The following TRIB1 variants were observed in gnomAD, a reference collection of about 807,000 sequenced individuals.
The protein encoded by TRIB1 is tribbles homolog 1.
Under a neutral mutation model 27.8 loss-of-function variants are expected in TRIB1, and 12 were observed. The observed-to-expected ratio is 0.43, with a 90% CI of 0.28 to 0.70. TRIB1 has a LOEUF of 0.70. TRIB1 is among the 30% of genes least tolerant of loss of function. TRIB1 has a pLI of 0.18. For synonymous variants in TRIB1, 230 were observed against 224.9 expected (o/e 1.02, Z -0.20); for missense variants, 475 against 515.8 (o/e 0.92, Z 0.77).
intron 1 of TRIB1, chr8:125,432,094 G>T (rs1052451211): frequency 3.9e-6 from 1 of 254,474 alleles, no homozygotes; most frequent in Non-Finnish European, 6.2e-6. Context: ...CCCTCGGGCC[G>T]CTCCTTTTCA....
intron 2 of TRIB1, among the ~76,000 whole-genome samples, chr8:125,435,544 T>C (rs1268097922): frequency 6.6e-6 from 1 of 152,152 alleles, no homozygotes; most frequent in Non-Finnish European, 1.5e-5. Context: ...TAATGCAGTG[T>C]GGGTCCAGGT....
In TRIB1 at chr8:125,438,186, A is replaced by G. The variant is rs1814787100; in HGVS notation, c.*1715A>G. ...TTGACAGAATCATGGGACTTTGAGA[A>G]GAGGGAGGACAGAGGCCTCTGTCGC... On this transcript the variant is annotated 3_prime_UTR_variant, in exon 3 of 3. Transcript: ENST00000311922. 1 of 152,712 alleles carries G rather than the reference A, an allele frequency of 6.5e-6. No homozygotes were observed. Among genetic ancestry groups the G allele is most frequent in the Admixed American group, 6.5e-5 (1 of 15,280 alleles). The allele number at this position is 152,712 out of a possible 1,614,324, so 9.5% of individuals were successfully genotyped here.
rs1252638940 is a variant in TRIB1 at position 125,430,695 on chromosome 8, C to A, written c.-208C>A. The A allele has an allele frequency of 3.4e-5, 20 of 589,432 alleles. 1 individual carries two copies. The East Asian group carries it at 6.9e-4, about 20-fold the overall frequency. 36.5% of individuals were successfully genotyped at this position (589,432 alleles called of 1,614,324 possible). ...GGGACTCGAGCCGGCCTCCGCCTCC[C>A]GGACGCACAGCCAGCGTGGTCCCCG... is the stretch of plus-strand genomic sequence containing the variant. On this transcript the variant is annotated 5_prime_UTR_variant, in exon 1 of 3. Transcript: ENST00000311922.
In TRIB1 at chr8:125,437,761, G is replaced by A. The variant is rs1814780078; in HGVS notation, c.*1290G>A. ...CCTCTGTTAGATATGTCCAGAGATG[G>A]AAACTCACTCCCCTACAAAAGATGG... On this transcript the variant is annotated 3_prime_UTR_variant, in exon 3 of 3. Coordinates refer to ENST00000311922, the MANE Select transcript of TRIB1 (RefSeq NM_025195.4). 6.6e-6 allele frequency: 1 copy of A among 152,474 alleles called. No individual in the cohort carries two copies. The highest frequency in any genetic ancestry group is 1.5e-5 in the Non-Finnish European group (1 of 68,042). The allele number at this position is 152,474 out of a possible 1,614,324, so 9.4% of individuals were successfully genotyped here. A position where few individuals can be genotyped will look rare whatever the true frequency, so the allele number is the denominator to read the frequency against.
Position 125,436,538 on chromosome 8 carries a change from C to T in TRIB1, c.*67C>T. 1.3e-6 allele frequency: 2 copies of T among 1,508,710 alleles called. No individual in the cohort carries two copies. Among genetic ancestry groups the T allele is most frequent in the South Asian group, 1.2e-5 (1 of 83,566 alleles). The allele number at this position is 1,508,710 out of a possible 1,614,324, so 93.5% of individuals were successfully genotyped here. A position where few individuals can be genotyped will look rare whatever the true frequency, so the allele number is the denominator to read the frequency against. On this transcript the variant is annotated 3_prime_UTR_variant, in exon 3 of 3. Coordinates refer to ENST00000311922, the MANE Select transcript of TRIB1 (RefSeq NM_025195.4). Reference sequence around the variant, plus strand: ...ATTTCCATTTCTAAAGATGGACAGGCCCTTTGGCGTGGTACCAACCAGATA... The same window carrying T: ...ATTTCCATTTCTAAAGATGGACAGGTCCTTTGGCGTGGTACCAACCAGATA...
In TRIB1 at chr8:125,437,631, G is replaced by C. The variant is rs1056553244; in HGVS notation, c.*1160G>C. The C allele has an allele frequency of 6.6e-5, 10 of 152,444 alleles. No homozygotes were observed. The highest frequency in any genetic ancestry group is 3.4e-3 in the Middle Eastern group (1 of 294). The allele number at this position is 152,444 out of a possible 1,614,324, so 9.4% of individuals were successfully genotyped here. A position where few individuals can be genotyped will look rare whatever the true frequency, so the allele number is the denominator to read the frequency against. Reference sequence around the variant, plus strand: ...AAACAGCAAACCCCAAATCTTCAAAGTTGGAAGGAACTTTAAAAATCATCC... The same window carrying C: ...AAACAGCAAACCCCAAATCTTCAAACTTGGAAGGAACTTTAAAAATCATCC... On this transcript the variant is annotated 3_prime_UTR_variant, in exon 3 of 3. Transcript: ENST00000311922.
rs977701964 is a variant in TRIB1 at position 125,433,917 on chromosome 8, A to G, written c.653+308A>G. 9 of 388,664 alleles carry G rather than the reference A, an allele frequency of 2.3e-5. No homozygotes were observed. In the Admixed American group the frequency reaches 3.6e-4, roughly 16 times the overall value. The allele number at this position is 388,664 out of a possible 1,614,324, so 24.1% of individuals were successfully genotyped here. A position where few individuals can be genotyped will look rare whatever the true frequency, so the allele number is the denominator to read the frequency against. On this transcript the variant is annotated intron_variant, in intron 2 of 2. Transcript: ENST00000311922. This position sits in a 1 kb window ranked among gnomAD's most constrained non-coding sequence, Gnocchi z 4.4. Reference sequence around the variant, plus strand: ...GTCAGAAAGGTCAGTTGTCTGGGGTACAAATATTAAACTGCCCTTTACGAT... The same window carrying G: ...GTCAGAAAGGTCAGTTGTCTGGGGTGCAAATATTAAACTGCCCTTTACGAT...
At position 125,433,880 on chromosome 8, in the gene TRIB1, T is replaced by G; in HGVS notation, c.653+271T>G. 2.3e-6 allele frequency: 1 copy of G among 443,282 alleles called. No homozygotes were observed. The highest frequency in any genetic ancestry group is 4.1e-6 in the Non-Finnish European group (1 of 244,190). The allele number at this position is 443,282 out of a possible 1,614,324, so 27.5% of individuals were successfully genotyped here. A position where few individuals can be genotyped will look rare whatever the true frequency, so the allele number is the denominator to read the frequency against. ...CTCTCCTACCCCAGGATCAGGTTCATTCCCCATTGTTGTCAGAAAGGTCAG... is the reference window on the plus strand; with the variant it reads ...CTCTCCTACCCCAGGATCAGGTTCAGTCCCCATTGTTGTCAGAAAGGTCAG... On this transcript the variant is annotated intron_variant, in intron 2 of 2. Transcript: ENST00000311922. The surrounding 1 kb of genome is among the most constrained non-coding windows in gnomAD (Gnocchi z 4.4).
chr8:125,434,905 A>G (rs1814722956), intron 2 of TRIB1, among the ~76,000 whole-genome samples: 1 of 147,542 alleles, frequency 6.8e-6, no homozygotes, highest in South Asian at 2.2e-4. Flanking sequence ...TGTATACTAC[A>G]CTCCAGGGAA....
At position 125,436,364 on chromosome 8, in the gene TRIB1, T is replaced by C. The variant is rs1399173270; in HGVS notation, c.1012T>C (p.Phe338Leu). Reference protein sequence around the residue: ...TAPEILLHPWFESVLEPGYID... With the variant: ...TAPEILLHPWLESVLEPGYID... ...CCCCGAGATCCTACTGCACCCCTGGTTTGAGTCCGTCTTGGAACCCGGGTA... is the reference window on the plus strand; with the variant it reads ...CCCCGAGATCCTACTGCACCCCTGGCTTGAGTCCGTCTTGGAACCCGGGTA... The change falls in exon 3 of 3, where the codon TTT becomes CTT. Residue 338 changes from phenylalanine to leucine, a missense_variant. By Grantham distance (22) the Phe-to-Leu change is conservative. Transcript: ENST00000311922. 1.2e-6 allele frequency: 2 copies of C among 1,612,908 alleles called. No homozygotes were observed. Among genetic ancestry groups the C allele is most frequent in the Non-Finnish European group, 1.7e-6 (2 of 1,179,770 alleles).
rs960777847 is a variant in TRIB1, at chr8:125,430,890, G to T, written c.-13G>T. The T allele has an allele frequency of 7.1e-7, 1 of 1,402,836 alleles. No individual in the cohort carries two copies. Among genetic ancestry groups the T allele is most frequent in the Admixed American group, 3.7e-5 (1 of 27,072 alleles). 86.9% of individuals were successfully genotyped at this position (1,402,836 alleles called of 1,614,324 possible). On this transcript the variant is annotated 5_prime_UTR_variant, in exon 1 of 3. Transcript: ENST00000311922. Reference sequence around the variant, plus strand: ...GGACTTAAAAAGCCGGGGCCACCCCGGCCCAGGACGGGATGCGGGTCGGTC... The same window carrying T: ...GGACTTAAAAAGCCGGGGCCACCCCTGCCCAGGACGGGATGCGGGTCGGTC...
At chr8:125,432,279 T>G in intron 1 of TRIB1, 1 of 951,580 alleles carries the variant, frequency 1.1e-6, no homozygotes, top group Non-Finnish European at 1.2e-6. Context: ...AAAAAAAACC[T>G]TTTCTTCTCC....
chr8:125,430,480 A>C lies in TRIB1; in HGVS notation c.-423A>C, dbSNP rs1194852915. ...TTCCCCCGGCTTTTGCTGGAGACTC[A>C]TCGCTTTGGGAAGTGCATTTGCTTC... is the stretch of plus-strand genomic sequence containing the variant. On this transcript the variant is annotated 5_prime_UTR_variant, in exon 1 of 3. Transcript: ENST00000311922. The C allele has an allele frequency of 6.2e-6, 1 of 161,644 alleles. No individual in the cohort carries two copies. The highest frequency in any genetic ancestry group is 1.4e-5 in the Non-Finnish European group (1 of 73,996). 10.0% of individuals were successfully genotyped at this position (161,644 alleles called of 1,614,324 possible).
chr8:125,433,655 C>T lies in TRIB1; in HGVS notation c.653+46C>T, dbSNP rs766616585. The T allele has an allele frequency of 8.8e-6, 14 of 1,582,922 alleles. No individual in the cohort carries two copies. Among genetic ancestry groups the T allele is most frequent in the Admixed American group, 5.1e-5 (3 of 58,678 alleles). ...CTCCTGTGGCCTTTTGGAACCAAAGCGGAGGTGCAGGTCATGTAGTTAGGT... is the reference window on the plus strand; with the variant it reads ...CTCCTGTGGCCTTTTGGAACCAAAGTGGAGGTGCAGGTCATGTAGTTAGGT... On this transcript the variant is annotated intron_variant, in intron 2 of 2. Coordinates refer to ENST00000311922, the MANE Select transcript of TRIB1 (RefSeq NM_025195.4). This position sits in a 1 kb window ranked among gnomAD's most constrained non-coding sequence, Gnocchi z 4.4.
chr8:125,435,500 G>A (rs1270600036), intron 2 of TRIB1, among the ~76,000 whole-genome samples: 4 of 152,202 alleles, frequency 2.6e-5, no homozygotes, highest in Admixed American at 6.5e-5. Flanking sequence ...GATGACCTGT[G>A]TGTAATAGCA....
At position 125,430,860 on chromosome 8, in the gene TRIB1, T is replaced by C; in HGVS notation, c.-43T>C. ...AACCCGCAGCGTCTTCCCGCGCGGATCCCGGGACTTAAAAAGCCGGGGCCA... is the reference window on the plus strand; with the variant it reads ...AACCCGCAGCGTCTTCCCGCGCGGACCCCGGGACTTAAAAAGCCGGGGCCA... On this transcript the variant is annotated 5_prime_UTR_variant, in exon 1 of 3. Coordinates refer to ENST00000311922, the MANE Select transcript of TRIB1 (RefSeq NM_025195.4). 1 of 1,373,496 alleles carries C rather than the reference T, an allele frequency of 7.3e-7. No homozygotes were observed. Among genetic ancestry groups the C allele is most frequent in the Non-Finnish European group, 9.3e-7 (1 of 1,070,570 alleles). 85.1% of individuals were successfully genotyped at this position (1,373,496 alleles called of 1,614,324 possible).
In TRIB1 at chr8:125,430,866, G is replaced by T; in HGVS notation, c.-37G>T. On this transcript the variant is annotated 5_prime_UTR_variant, in exon 1 of 3. Coordinates refer to ENST00000311922, the MANE Select transcript of TRIB1 (RefSeq NM_025195.4). ...CAGCGTCTTCCCGCGCGGATCCCGG[G>T]ACTTAAAAAGCCGGGGCCACCCCGG... 1.5e-6 allele frequency: 2 copies of T among 1,377,984 alleles called. No individual in the cohort carries two copies. Among genetic ancestry groups the T allele is most frequent in the South Asian group, 1.6e-5 (1 of 61,280 alleles). 85.4% of individuals were successfully genotyped at this position (1,377,984 alleles called of 1,614,324 possible).
intron 1 of TRIB1, among the ~76,000 whole-genome samples, chr8:125,432,631 G>A (rs1312012974): frequency 6.6e-6 from 1 of 152,052 alleles, no homozygotes; most frequent in Non-Finnish European, 1.5e-5. Flanking sequence ...GGGTGTGGGG[G>A]GATAAACAAA....
In TRIB1 at chr8:125,433,265, A is replaced by G; in HGVS notation, c.361-52A>G. 1 of 1,571,632 alleles carries G rather than the reference A, an allele frequency of 6.4e-7. No individual in the cohort carries two copies. The highest frequency in any genetic ancestry group is 8.7e-7 in the Non-Finnish European group (1 of 1,151,120). ...TGTTCAGCTCCCTCAGGGGTTTGGGAGGCTGCCTTTGCTTTTCTAGCCCCC... is the reference window on the plus strand; with the variant it reads ...TGTTCAGCTCCCTCAGGGGTTTGGGGGGCTGCCTTTGCTTTTCTAGCCCCC... On this transcript the variant is annotated intron_variant, in intron 1 of 2. Transcript: ENST00000311922. The surrounding 1 kb of genome is among the most constrained non-coding windows in gnomAD (Gnocchi z 4.4).
Sources: gnomAD v4.1 joint callset for allele counts (sites outside exome capture counted in the v4.1 genomes callset) on GRCh38, gnomAD v4.1.1 for gene constraint, Gnocchi (gnomAD v3.1) non-coding constraint, MANE v1.5 for transcripts, NCBI Gene and HGNC (gene_info 2026-07-23, HGNC 2026-07-21) for gene names.